ST13: variants seen among roughly 807,000 people sequenced by gnomAD.
ST13 encodes the protein hsc70-interacting protein.
Under a neutral mutation model 56.7 loss-of-function variants are expected in ST13, and 23 were observed. That is an observed-to-expected ratio of 0.41 (90% CI 0.29 to 0.57). ST13 has a LOEUF of 0.57. Among genes scored for constraint, ST13 ranks in the 20% least tolerant of loss-of-function variants. The probability of loss-of-function intolerance (pLI) is 0.36; values close to 1 mark genes in which losing one functional copy is unlikely to be tolerated. For synonymous variants in ST13, 132 were observed against 142.4 expected (o/e 0.93, Z 0.52); for missense variants, 369 against 459.9 (o/e 0.80, Z 1.81).
At chr22:40,836,063 C>T in intron 5 of ST13, 176 bp from the exon 6 acceptor site, 2 of 543,964 alleles carry the variant, frequency 3.7e-6, no homozygotes, top group East Asian at 3.2e-5. Flanking sequence ...CACACCTATA[C>T]TGTAACTCAC....
At chr22:40,850,723 G>A in intron 2 of ST13, 100 bp downstream of exon 2, 1 of 847,436 alleles carries the variant, frequency 1.2e-6, no homozygotes, top group Admixed American at 2.7e-5. Context: ...TGATCTTGGG[G>A]AAATCAGGAG....
intron 4 of ST13, 103 bp from the exon 5 acceptor site, chr22:40,840,795 T>C (rs1474908682): frequency 2.1e-5 from 18 of 850,134 alleles, no homozygotes; most frequent in Non-Finnish European, 3.0e-5. Context: ...CCCATTTTCA[T>C]TCATTCTTCT....
chr22:40,833,995 T>G (rs2057765952), intron 7 of ST13, among the ~76,000 whole-genome samples: 1 of 152,132 alleles, frequency 6.6e-6, no homozygotes, highest in African/African-American at 2.4e-5. Context: ...ATTCTAAGAA[T>G]AAGAACATCC....
chr22:40,828,550 T>C (rs1250657190), intron 10 of ST13, among the ~76,000 whole-genome samples: 1 of 151,724 alleles, frequency 6.6e-6, no homozygotes, highest in East Asian at 1.9e-4. Context: ...CAGGCGGAGC[T>C]TGCAGTGAGC....
intron 8 of ST13, among the ~76,000 whole-genome samples, 177 bp downstream of exon 8, chr22:40,832,392 G>A (rs2057758154): frequency 6.6e-6 from 1 of 152,192 alleles, no homozygotes; most frequent in African/African-American, 2.4e-5. Flanking sequence ...AGAAATGAAA[G>A]CATGAAAACC....
intron 7 of ST13, chr22:40,835,336 T>A: frequency 2.7e-6 from 1 of 372,298 alleles, no homozygotes. Context: ...AAATACTTTT[T>A]ATTTCTTCCT....
In ST13 at chr22:40,830,964, A is replaced by G. The variant is rs368558809; in HGVS notation, c.682-8T>C. The G allele has an allele frequency of 2.3e-5, 37 of 1,580,068 alleles. No individual in the cohort carries two copies. The African/African-American group carries it at 4.4e-4, about 19-fold the overall frequency. Reference sequence around the variant, plus strand: ...TTCTGCAATTTTCTGTGCCTAGAAAAAAGAGCCATAGCAAAATAAGCTTGC... The same window carrying G: ...TTCTGCAATTTTCTGTGCCTAGAAAGAAGAGCCATAGCAAAATAAGCTTGC... On this transcript the variant is annotated splice_polypyrimidine_tract_variant and splice_region_variant and intron_variant, in intron 8 of 11. Transcript: ENST00000216218.
chr22:40,829,642 C>T lies in ST13; in HGVS notation c.831G>A (p.Gln277=), dbSNP rs1261545667. 6.7e-7 allele frequency: 1 copy of T among 1,484,982 alleles called. No homozygotes were observed. 92.0% of individuals were successfully genotyped at this position (1,484,982 alleles called of 1,614,324 possible). The change falls in exon 10 of 12, where the codon CAG becomes CAA. Residue 277 remains glutamine, a synonymous_variant. Coordinates refer to ENST00000216218, the MANE Select transcript of ST13 (RefSeq NM_003932.5). ...EEEARRQSGA[Q]YGSFPGGFPG... is the part of the protein sequence containing the mutation. Reference sequence around the variant, plus strand: ...TAAATATACCTGGAAAAGAGCCATACTGAGCTCCTGACTGTCGTCTGGCTT... The same window carrying T: ...TAAATATACCTGGAAAAGAGCCATATTGAGCTCCTGACTGTCGTCTGGCTT...
intron 1 of ST13, 67 bp from the exon 2 acceptor site, chr22:40,850,947 A>T: frequency 8.5e-7 from 1 of 1,172,286 alleles, no homozygotes; most frequent in East Asian, 2.4e-5. Context: ...CAACGTATTT[A>T]CACCTAAAAA....
At chr22:40,833,610 T>C (rs1449324199) in intron 7 of ST13, among the ~76,000 whole-genome samples, 4 of 149,638 alleles carry the variant, frequency 2.7e-5, no homozygotes, top group African/African-American at 9.9e-5. Context: ...GCGCGATGGC[T>C]CATGCCTATT....
rs1010955517 is a variant in ST13, at chr22:40,847,009, A to C, written c.244+1285T>G. ...AACTCAAGTCTTCCAAAAAAACCCC[A>C]AAAAAACAACAAAAAAAAACTGATT... On this transcript the variant is annotated intron_variant, in intron 3 of 11. Transcript: ENST00000216218. Among the ~76,000 whole-genome samples, 110 of 151,980 alleles carry C rather than the reference A, an allele frequency of 7.2e-4. 1 individual carries two copies. The highest frequency in any genetic ancestry group is 7.9e-4 in the Non-Finnish European group (54 of 67,940).
intron 1 of ST13, among the ~76,000 whole-genome samples, chr22:40,855,131 C>T (rs1320287416): frequency 6.6e-6 from 1 of 152,108 alleles, no homozygotes; most frequent in Non-Finnish European, 1.5e-5. Context: ...ATTCTTTGAG[C>T]TATTTGGTAA....
chr22:40,837,921 T>G (rs2057785461), intron 5 of ST13, among the ~76,000 whole-genome samples: 1 of 152,208 alleles, frequency 6.6e-6, no homozygotes, highest in Admixed American at 6.5e-5. Context: ...GTGCTGGGAT[T>G]GTTAAGTGTG....
intron 5 of ST13, among the ~76,000 whole-genome samples, chr22:40,837,666 C>CT (rs1187634630): frequency 1.3e-5 from 2 of 152,152 alleles, no homozygotes; most frequent in Non-Finnish European, 2.9e-5. Flanking sequence ...AGGTCTTGCT[C>CT]TGTCACCCAG....
intron 3 of ST13, among the ~76,000 whole-genome samples, chr22:40,846,586 T>C (rs985953708): frequency 2.6e-5 from 4 of 152,210 alleles, no homozygotes; most frequent in Admixed American, 6.5e-5. Flanking sequence ...ATTGTAGTTT[T>C]AGAAACTGGT....
chr22:40,856,211 C>A (rs2057893700), intron 1 of ST13, among the ~76,000 whole-genome samples: 1 of 152,176 alleles, frequency 6.6e-6, no homozygotes, highest in African/African-American at 2.4e-5. Context: ...CCCTGGGCAA[C>A]CTCAGGGTGC....
Position 40,856,627 on chromosome 22 carries a change from C to G in ST13, c.-87G>C, listed in dbSNP as rs1297324459. The G allele has an allele frequency of 4.7e-6, 5 of 1,060,272 alleles. No homozygotes were observed. The South Asian group carries it at 6.4e-5, about 14-fold the overall frequency. 65.7% of individuals were successfully genotyped at this position (1,060,272 alleles called of 1,614,324 possible). On this transcript the variant is annotated 5_prime_UTR_variant, in exon 1 of 12. Coordinates refer to ENST00000216218, the MANE Select transcript of ST13 (RefSeq NM_003932.5). ...CTCGGCGTGACCGCGCAGAAGGGGG[C>G]GGCTGCCGCAAGACAGAACAGACTA... is the stretch of plus-strand genomic sequence containing the variant.
At chr22:40,840,430 C>A (rs1467456906) in intron 5 of ST13, among the ~76,000 whole-genome samples, 196 bp downstream of exon 5, 1 of 151,280 alleles carries the variant, frequency 6.6e-6, no homozygotes, top group Non-Finnish European at 1.5e-5. Context: ...GACACTGAAT[C>A]AAATAAGGAT....
intron 1 of ST13, among the ~76,000 whole-genome samples, chr22:40,853,536 CT>C (rs921948811): frequency 6.6e-6 from 1 of 152,120 alleles, no homozygotes; most frequent in African/African-American, 2.4e-5. Context: ...GCACTACAGG[CT>C]TTTTTATGTT....
Sources: allele counts gnomAD v4.1 joint callset (sites outside exome capture counted in the v4.1 genomes callset), GRCh38; gene constraint gnomAD v4.1.1; transcripts MANE v1.5; gene names NCBI Gene and HGNC (gene_info 2026-07-23, HGNC 2026-07-21).